The following FLNB variants were observed in gnomAD, a reference collection of about 807,000 sequenced individuals.
FLNB encodes the protein filamin B, also known as filamin-B.
FLNB carries 111 observed loss-of-function variants against 250.6 expected under a neutral mutation model. That is an observed-to-expected ratio of 0.44 (90% CI 0.38 to 0.52). The LOEUF is 0.52. Ranked by LOEUF, FLNB falls within the 20% of genes least tolerant of loss-of-function variation. FLNB has a pLI of 0.00. For missense variants in FLNB, 2,869 were observed against 3,447.8 expected (o/e 0.83, Z 4.20); for synonymous variants, 1,302 against 1,372.1 (o/e 0.95, Z 1.13).
At chr3:58,099,929 G>A (rs1429114454) in intron 8 of FLNB, among the ~76,000 whole-genome samples, 3 of 152,162 alleles carry the variant, frequency 2.0e-5, no homozygotes, top group Non-Finnish European at 4.4e-5. Context: ...TGAAGGAGCT[G>A]GTGGTGCCCT....
At chr3:58,163,038 G>A in intron 42 of FLNB, 116 bp from the exon 43 acceptor site, 5 of 1,039,336 alleles carry the variant, frequency 4.8e-6, no homozygotes, top group Non-Finnish European at 7.4e-6. Context: ...CAGGCTCCCT[G>A]TAGAACTGTT....
intron 26 of FLNB, among the ~76,000 whole-genome samples, chr3:58,133,579 G>A (rs911379228): frequency 9.9e-5 from 15 of 150,934 alleles, no homozygotes; most frequent in Non-Finnish European, 2.1e-4. Context: ...CAGGACAAAG[G>A]TCTTTACTTC....
Position 58,153,464 on chromosome 3 carries a change from C to T in FLNB, c.6457C>T (p.His2153Tyr), listed in dbSNP as rs1305159833. The T allele has an allele frequency of 1.9e-6, 3 of 1,614,160 alleles. No homozygotes were observed. Among genetic ancestry groups the T allele is most frequent in the South Asian group, 2.2e-5 (2 of 91,094 alleles). Residue 2153 changes from histidine to tyrosine, a missense_variant, in exon 39 of 46, where the codon CAC becomes TAC. His to Tyr is a moderately conservative substitution (Grantham distance 83). Coordinates refer to ENST00000295956, the MANE Select transcript of FLNB (RefSeq NM_001457.4). ...AEIVPMGKNS[H>Y]CVRFVPQEMG... ...GATTGTGCCCATGGGGAAGAACTCA[C>T]ACTGCGTCCGGTTTGTGCCCCAGGA...
At chr3:58,100,079 C>G (rs1032565743) in intron 8 of FLNB, among the ~76,000 whole-genome samples, 3 of 151,956 alleles carry the variant, frequency 2.0e-5, no homozygotes, top group African/African-American at 4.8e-5. Flanking sequence ...GAAGTCCTGT[C>G]ATTGTATTGT....
In FLNB at chr3:58,170,566, G is replaced by C; in HGVS notation, c.7622-9G>C. 1 of 1,613,900 alleles carries C rather than the reference G, an allele frequency of 6.2e-7. No individual in the cohort carries two copies. The highest frequency in any genetic ancestry group is 8.5e-7 in the Non-Finnish European group (1 of 1,179,942). ...CATCCGGGTGGAGTAACCACCTTTT[G>C]CCTCCTAGGCTCCAACATGCTGCTG... is the stretch of plus-strand genomic sequence containing the variant. On this transcript the variant is annotated splice_polypyrimidine_tract_variant and intron_variant, in intron 45 of 45. Transcript: ENST00000295956.
At position 58,123,360 on chromosome 3, in the gene FLNB, G is replaced by C. The variant is rs776730216; in HGVS notation, c.3394G>C (p.Asp1132His). The C allele has an allele frequency of 1.1e-5, 18 of 1,614,128 alleles. No homozygotes were observed. The highest frequency in any genetic ancestry group is 1.4e-5 in the Non-Finnish European group (17 of 1,180,032). The change falls in exon 21 of 46, where the codon GAC becomes CAC. Residue 1132 changes from aspartate to histidine, a missense_variant. Physicochemically the swap from Asp to His is moderately conservative, Grantham distance 81. Around this residue, in one of 5 missense-constraint regions of FLNB, gnomAD observed 1,348 missense variants for 1,466.7 expected, o/e 0.92. Coordinates refer to ENST00000295956, the MANE Select transcript of FLNB (RefSeq NM_001457.4). ...PFKADIEMPF[D>H]PSKVVASGPG... ...CAAAGCTGACATTGAAATGCCCTTT[G>C]ACCCCTCTAAAGTCGTGGCATCGGG...
At position 58,124,191 on chromosome 3, in the gene FLNB, G is replaced by T. The variant is rs533767751; in HGVS notation, c.3725-141G>T. Reference sequence around the variant, plus strand: ...TGGGATGGAGGGGGTTAATATTCTTGATTTGAGAGTTAGAAAAACCAGTTT... The same window carrying T: ...TGGGATGGAGGGGGTTAATATTCTTTATTTGAGAGTTAGAAAAACCAGTTT... On this transcript the variant is annotated intron_variant, in intron 21 of 45. Coordinates refer to ENST00000295956, the MANE Select transcript of FLNB (RefSeq NM_001457.4). 4.1e-5 allele frequency: 35 copies of T among 851,672 alleles called. No individual in the cohort carries two copies. In the South Asian group the frequency reaches 4.3e-4, roughly 10 times the overall value. The allele number at this position is 851,672 out of a possible 1,614,324, so 52.8% of individuals were successfully genotyped here.
At position 58,109,917 on chromosome 3, in the gene FLNB, A is replaced by G. The variant is rs1157467738; in HGVS notation, c.2324-93A>G. On this transcript the variant is annotated intron_variant, in intron 15 of 45. Transcript: ENST00000295956. ...CAGGTTTCTTACTAGAAACTTCCCA[A>G]TTGCTTTTTGAGGGTGTTAACCTGA... 5.9e-6 allele frequency: 9 copies of G among 1,533,706 alleles called. No homozygotes were observed. The African/African-American group carries it at 6.8e-5, about 12-fold the overall frequency.
At chr3:58,037,775 T>G (rs2097140163) in intron 1 of FLNB, among the ~76,000 whole-genome samples, 1 of 152,174 alleles carries the variant, frequency 6.6e-6, no homozygotes, top group South Asian at 2.1e-4. Flanking sequence ...TGTGAATGTT[T>G]TTTTTCTTCA....
Position 58,111,787 on chromosome 3 carries a change from A to G in FLNB, c.2485-4A>G, listed in dbSNP as rs1477314879. Reference sequence around the variant, plus strand: ...TTCCTACTAAGACTGTGTCTCTGCTACAGGAAATCCCCGCCAGCCCTTTCA... The same window carrying G: ...TTCCTACTAAGACTGTGTCTCTGCTGCAGGAAATCCCCGCCAGCCCTTTCA... On this transcript the variant is annotated splice_polypyrimidine_tract_variant and splice_region_variant and intron_variant, in intron 16 of 45. Coordinates refer to ENST00000295956, the MANE Select transcript of FLNB (RefSeq NM_001457.4). 4 of 1,611,524 alleles carry G rather than the reference A, an allele frequency of 2.5e-6. No individual in the cohort carries two copies. The highest frequency in any genetic ancestry group is 3.4e-6 in the Non-Finnish European group (4 of 1,177,732).
At chr3:58,132,168 A>T in intron 25 of FLNB, 1 of 633,966 alleles carries the variant, frequency 1.6e-6, no homozygotes, top group Middle Eastern at 2.5e-4. Context: ...CCCATCCTTG[A>T]CTGTCACGTT....
At chr3:58,051,421 G>A (rs1204930842) in intron 1 of FLNB, among the ~76,000 whole-genome samples, 1 of 152,160 alleles carries the variant, frequency 6.6e-6, no homozygotes. Context: ...GGGCACCTCC[G>A]GTTCTGCAAG....
At chr3:58,041,687 G>A (rs1338035989) in intron 1 of FLNB, among the ~76,000 whole-genome samples, 2 of 152,224 alleles carry the variant, frequency 1.3e-5, no homozygotes, top group African/African-American at 2.4e-5. Flanking sequence ...TGAGCCAGTA[G>A]CCTTGACCCA....
chr3:58,108,650 A>C (rs1341525587), intron 13 of FLNB, 79 bp downstream of exon 13: 3 of 859,396 alleles, frequency 3.5e-6, no homozygotes, highest in East Asian at 5.0e-5. Context: ...TGCTGAGTCC[A>C]TCTGATCTTC....
chr3:58,112,586 A>G (rs2097270702), intron 18 of FLNB, among the ~76,000 whole-genome samples: 1 of 152,238 alleles, frequency 6.6e-6, no homozygotes, highest in Non-Finnish European at 1.5e-5. Flanking sequence ...TATCAGAGAA[A>G]TGCTCAGTTC....
intron 1 of FLNB, among the ~76,000 whole-genome samples, chr3:58,032,945 C>T (rs1240056767): frequency 6.6e-6 from 1 of 152,052 alleles, no homozygotes; most frequent in Non-Finnish European, 1.5e-5. Context: ...TAGTGACATG[C>T]ACCTGTGGTC....
At chr3:58,166,053 C>A (rs2097369843) in intron 43 of FLNB, 1 of 152,142 alleles carries the variant, frequency 6.6e-6, no homozygotes, top group African/African-American at 2.4e-5. Flanking sequence ...CCCAGTTCTG[C>A]TGGTCCCCAG....
chr3:58,138,392 A>ACTGAGG lies in FLNB; in HGVS notation c.4974_4979dup (p.Glu1661_Ala1662dup). The stretch of plus-strand genomic sequence containing the variant: ...CTGCACGGTTCTGACCCCAGATGGC[A>ACTGAGG]CTGAGGCCGAGGCCGATGTCATTGA... On this transcript the variant is annotated inframe_insertion, in exon 29 of 46. Transcript: ENST00000295956. The ACTGAGG allele has an allele frequency of 6.2e-7, 1 of 1,614,254 alleles. No homozygotes were observed. Among genetic ancestry groups the ACTGAGG allele is most frequent in the East Asian group, 2.2e-5 (1 of 44,888 alleles).
intron 32 of FLNB, 85 bp downstream of exon 32, chr3:58,143,698 G>A (rs2097331091): frequency 3.2e-6 from 5 of 1,540,188 alleles, no homozygotes; most frequent in Non-Finnish European, 4.5e-6. Flanking sequence ...CGCTTTGCAG[G>A]GAGCAGCTCT....
Sources: allele counts gnomAD v4.1 joint callset (sites outside exome capture counted in the v4.1 genomes callset), GRCh38; gene constraint gnomAD v4.1.1; regional missense constraint gnomAD v4.1.1; transcripts MANE v1.5; gene names NCBI Gene and HGNC (gene_info 2026-07-23, HGNC 2026-07-21).